The following CPNE4 variants were observed in gnomAD, a reference collection of about 807,000 sequenced individuals.
The protein encoded by CPNE4 is copine-4.
A neutral mutation model predicts 67.9 loss-of-function variants in CPNE4; 25 were observed. The observed-to-expected ratio is 0.37, with a 90% CI of 0.27 to 0.51. CPNE4 has a LOEUF of 0.51. Among genes scored for constraint, CPNE4 ranks in the 20% least tolerant of loss-of-function variants. The pLI is 0.93. For missense variants in CPNE4, 464 were observed against 690.8 expected, an observed-to-expected ratio of 0.67 and a Z score of 3.68; for synonymous variants, 242 against 244.9, an observed-to-expected ratio of 0.99 and a Z score of 0.11.
intron 1 of CPNE4, among the ~76,000 whole-genome samples, chr3:132,030,192 G>T (rs1222344116): frequency 6.6e-6 from 1 of 152,228 alleles, no homozygotes; most frequent in East Asian, 1.9e-4. Flanking sequence ...CTCCACTGCT[G>T]TAATTATCTC....
intron 2 of CPNE4, among the ~76,000 whole-genome samples, chr3:131,778,422 A>G (rs2083346306): frequency 6.6e-6 from 1 of 152,136 alleles, no homozygotes; most frequent in Non-Finnish European, 1.5e-5. Flanking sequence ...GTGATGTGAC[A>G]TTGGGCAAGT....
intron 1 of CPNE4, among the ~76,000 whole-genome samples, chr3:131,963,583 G>A (rs112595455): frequency 6.6e-6 from 1 of 152,210 alleles, no homozygotes; most frequent in African/African-American, 2.4e-5. Context: ...ACTGAGGCTT[G>A]AGTAGGTGGT....
intron 2 of CPNE4, among the ~76,000 whole-genome samples, chr3:131,749,795 A>G (rs2107794662): frequency 6.6e-6 from 1 of 152,294 alleles, no homozygotes; most frequent in East Asian, 1.9e-4. Context: ...TAATATTTGC[A>G]TGATATATCC....
At chr3:131,996,065 A>T (rs2073284753) in intron 1 of CPNE4, among the ~76,000 whole-genome samples, 4 of 152,192 alleles carry the variant, frequency 2.6e-5, no homozygotes, top group South Asian at 2.1e-4. Flanking sequence ...AAAAAAATAT[A>T]TGCTGTTGAT....
rs191328985 is a variant in CPNE4 at position 131,763,485 on chromosome 3, C to T, written c.181-39860G>A. ...CAATATTACCAGTTATCATTTTTCA[C>T]TTTAACATAGCACATAAGTGGCTAA... On this transcript the variant is annotated intron_variant, in intron 2 of 15. Transcript: ENST00000429747. 1.7e-3 allele frequency among the ~76,000 whole-genome samples: 261 copies of T among 152,224 alleles called. 1 individual carries two copies. The highest frequency in any genetic ancestry group is 6.1e-3 in the African/African-American group (254 of 41,546).
intron 7 of CPNE4, among the ~76,000 whole-genome samples, chr3:131,657,050 T>C (rs901309652): frequency 7.2e-5 from 11 of 152,208 alleles, no homozygotes; most frequent in African/African-American, 2.4e-4. Context: ...TTAATCATTA[T>C]TTAACAGGCC....
At chr3:131,789,005 G>C (rs970488058) in intron 2 of CPNE4, among the ~76,000 whole-genome samples, 1 of 133,660 alleles carries the variant, frequency 7.5e-6, no homozygotes. Context: ...AACTCAACCA[G>C]ACACACACAC....
intron 1 of CPNE4, among the ~76,000 whole-genome samples, chr3:132,020,043 G>A (rs1301929600): frequency 3.9e-5 from 6 of 152,134 alleles, no homozygotes; most frequent in Admixed American, 1.3e-4. Context: ...GTCAGAACGC[G>A]GCACAAATTG....
At chr3:131,891,814 A>G (rs1011423815) in intron 2 of CPNE4, among the ~76,000 whole-genome samples, 2 of 152,086 alleles carry the variant, frequency 1.3e-5, no homozygotes, top group African/African-American at 2.4e-5. Flanking sequence ...TTCTTTATCC[A>G]GTCTATCATC....
At chr3:131,933,399 GA>G (rs1396102832) in intron 1 of CPNE4, among the ~76,000 whole-genome samples, 5 of 152,264 alleles carry the variant, frequency 3.3e-5, no homozygotes, top group East Asian at 3.9e-4. Flanking sequence ...TGTATGTGTA[GA>G]AAAGGAAACT....
chr3:131,804,444 A>T (rs933889685), intron 2 of CPNE4, among the ~76,000 whole-genome samples: 4 of 152,108 alleles, frequency 2.6e-5, no homozygotes, highest in African/African-American at 7.2e-5. Context: ...AAATGCCTAG[A>T]ATCCAGCTGT....
intron 11 of CPNE4, among the ~76,000 whole-genome samples, chr3:131,559,662 G>A (rs1936655087): frequency 6.6e-6 from 1 of 151,882 alleles, no homozygotes. Flanking sequence ...GATTATAACA[G>A]AATTTCAAAC....
At chr3:131,919,703 T>C (rs2070688844) in intron 1 of CPNE4, among the ~76,000 whole-genome samples, 1 of 152,168 alleles carries the variant, frequency 6.6e-6, no homozygotes, top group Non-Finnish European at 1.5e-5. Context: ...AAAAAGTAAA[T>C]AATAGGTGGC....
Position 131,620,551 on chromosome 3 carries a change from C to T in CPNE4, c.682-32969G>A, listed in dbSNP as rs942980059. ...TATGTCCATACCCTTATCCCTGGGA[C>T]CTGTGGATATGTTACTTTAAATAGC... On this transcript the variant is annotated intron_variant, in intron 7 of 15. Coordinates refer to ENST00000429747, the MANE Select transcript of CPNE4 (RefSeq NM_130808.3). 8 of 702,042 alleles carry T rather than the reference C, an allele frequency of 1.1e-5. No homozygotes were observed. The African/African-American group carries it at 1.2e-4, about 10-fold the overall frequency. 43.5% of individuals were successfully genotyped at this position (702,042 alleles called of 1,614,324 possible).
chr3:131,951,271 C>T (rs1560661401), intron 1 of CPNE4, among the ~76,000 whole-genome samples: 2 of 152,122 alleles, frequency 1.3e-5, no homozygotes, highest in East Asian at 3.9e-4. Context: ...AATTTATGTG[C>T]TTATCCATTT....
rs536669447 is a variant in CPNE4, at chr3:131,728,834, C to T, written c.181-5209G>A. ...CTGAGGCGGGAGAATGGCGTGAACC[C>T]GGGAGGCGGAGCTTGCAGTGAACAG... On this transcript the variant is annotated intron_variant, in intron 2 of 15. Coordinates refer to ENST00000429747, the MANE Select transcript of CPNE4 (RefSeq NM_130808.3). Among the ~76,000 whole-genome samples, 3 of 144,602 alleles carry T rather than the reference C, an allele frequency of 2.1e-5. No homozygotes were observed. In the South Asian group the frequency reaches 6.6e-4, roughly 32 times the overall value. 94.9% of individuals were successfully genotyped at this position (144,602 alleles called of 152,430 possible).
Position 131,605,567 on chromosome 3 carries a change from T to TG in CPNE4, c.682-17986dup, listed in dbSNP as rs202091209. Among the ~76,000 whole-genome samples the TG allele has an allele frequency of 1.4e-3, 214 of 152,260 alleles. 5 individuals are homozygous for TG. In the East Asian group the frequency reaches 0.033, roughly 24 times the overall value. On this transcript the variant is annotated intron_variant, in intron 7 of 15. Coordinates refer to ENST00000429747, the MANE Select transcript of CPNE4 (RefSeq NM_130808.3). ...TATTTGTTCTGCAGGCAATTCAGTG[T>TG]GAAATATTTTAAACAGAGAAATGAC...
intron 1 of CPNE4, among the ~76,000 whole-genome samples, chr3:131,957,211 A>T (rs560642212): frequency 1.3e-5 from 2 of 152,250 alleles, no homozygotes; most frequent in Non-Finnish European, 2.9e-5. Flanking sequence ...CATCTAGGGC[A>T]TCCTCCAAAC....
intron 11 of CPNE4, among the ~76,000 whole-genome samples, chr3:131,563,583 C>A (rs1272978135): frequency 6.6e-6 from 1 of 151,960 alleles, no homozygotes; most frequent in Non-Finnish European, 1.5e-5. Flanking sequence ...TGCAAACATA[C>A]ACATGCACCT....
Sources: allele counts gnomAD v4.1 joint callset (sites outside exome capture counted in the v4.1 genomes callset), GRCh38; gene constraint gnomAD v4.1.1; transcripts MANE v1.5; gene names NCBI Gene and HGNC (gene_info 2026-07-23, HGNC 2026-07-21).